The following OR2G3 variants were observed in gnomAD, a reference collection of about 807,000 sequenced individuals.
The protein encoded by OR2G3 is olfactory receptor 2G3.
For missense variants in OR2G3, 375 were observed against 364.4 expected, an observed-to-expected ratio of 1.03 and a Z score of -0.24; for synonymous variants, 154 against 144.5, an observed-to-expected ratio of 1.07 and a Z score of -0.47.
At position 247,606,312 on chromosome 1, in the gene OR2G3, T is replaced by A; in HGVS notation, c.727T>A (p.Ser243Thr). 2.5e-6 allele frequency: 4 copies of A among 1,614,136 alleles called. No individual in the cohort carries two copies. Among genetic ancestry groups the A allele is most frequent in the Non-Finnish European group, 3.4e-6 (4 of 1,180,000 alleles). Residue 243 changes from serine to threonine, a missense_variant, in exon 1 of 1, where the codon TCC becomes ACC. Transcript: ENST00000320002. The part of the protein sequence containing the change: ...ARHKAFSTCS[S>T]HLTVVIIFYG... ...GCACAAAGCCTTCAGCACCTGCTCC[T>A]CCCACCTTACAGTGGTGATTATATT...
chr1:247,606,472 A>T lies in OR2G3; in HGVS notation c.887A>T (p.Asp296Val). 6.2e-7 allele frequency: 1 copy of T among 1,611,438 alleles called. No individual in the cohort carries two copies. The highest frequency in any genetic ancestry group is 8.5e-7 in the Non-Finnish European group (1 of 1,178,940). Residue 296 changes from aspartate (D) to valine (V), a missense_variant, in exon 1 of 1, where the codon GAT becomes GTT. Coordinates refer to ENST00000320002, the MANE Select transcript of OR2G3 (RefSeq NM_001001914.1). Reference sequence around the variant, plus strand: ...ATCATCTATACTTTAAGGAACAAGGATATGAAAGAGGCTCTGAGGAAACTT... The same window carrying T: ...ATCATCTATACTTTAAGGAACAAGGTTATGAAAGAGGCTCTGAGGAAACTT... Reference protein sequence around the residue: ...NPIIYTLRNKDMKEALRKLLS... With the variant: ...NPIIYTLRNKVMKEALRKLLS...
In OR2G3 at chr1:247,606,368, AC is replaced by A. The variant is rs1194656083; in HGVS notation, c.785del (p.Pro262LeufsTer20). ...YGTIIYVYLQ[P>X]SDSYAQDQGK... ...GCACCATAATCTACGTGTACCTGCA[AC>A]CTAGTGACAGCTATGCCCAGGACCA... On this transcript the variant is annotated frameshift_variant, in exon 1 of 1. Transcript: ENST00000320002. LOFTEE classifies it low-confidence loss of function (END_TRUNC). 1 of 1,614,100 alleles carries A rather than the reference AC, an allele frequency of 6.2e-7. No individual in the cohort carries two copies. Among genetic ancestry groups the A allele is most frequent in the South Asian group, 1.1e-5 (1 of 91,080 alleles).
At position 247,605,818 on chromosome 1, in the gene OR2G3, C is replaced by T. The variant is rs202172792; in HGVS notation, c.233C>T (p.Ala78Val). 1.7e-4 allele frequency: 267 copies of T among 1,614,082 alleles called. 1 individual carries two copies. The highest frequency in any genetic ancestry group is 1.6e-3 in the Admixed American group (99 of 60,010). The change falls in exon 1 of 1, where the codon GCT (alanine) becomes GTT (valine). Residue 78 changes from alanine to valine, a missense_variant. Ala to Val is a moderately conservative substitution (Grantham distance 64). Transcript: ENST00000320002. ...GACATCTGCTTCACTACTAGCCTTG[C>T]TCCTCAGACCTTAGTTAACTTGCAA... The part of the protein sequence containing the change: ...LLDICFTTSL[A>V]PQTLVNLQRP...
At position 247,606,072 on chromosome 1, in the gene OR2G3, AC is replaced by A. The variant is rs2103108064; in HGVS notation, c.489del (p.Leu164CysfsTer58). On this transcript the variant is annotated frameshift_variant, in exon 1 of 1. Transcript: ENST00000320002. LOFTEE classifies it low-confidence loss of function (END_TRUNC). ...TAGTTCCCTAATCCATGCAACTTTT[AC>A]CTTGCAATTGCCTCTCTGTGGCAAC... ...LASSLIHATF[T>X]LQLPLCGNHR... 1 of 1,613,676 alleles carries A rather than the reference AC, an allele frequency of 6.2e-7. No homozygotes were observed. The highest frequency in any genetic ancestry group is 8.5e-7 in the Non-Finnish European group (1 of 1,179,932).
In OR2G3 at chr1:247,605,872, G is replaced by T. The variant is rs367892003; in HGVS notation, c.287G>T (p.Gly96Val). The change falls in exon 1 of 1, where the codon GGT (glycine) becomes GTT (valine). Residue 96 changes from glycine (G) to valine (V), a missense_variant. By Grantham distance (109) the Gly-to-Val change is moderately radical. Transcript: ENST00000320002. ...CCAAAGAAGACGATCACTTACGGTGGTTGTGTGGCGCAACTCTATATTTCT... is the reference window on the plus strand; with the variant it reads ...CCAAAGAAGACGATCACTTACGGTGTTTGTGTGGCGCAACTCTATATTTCT... ...QRPKKTITYGGCVAQLYISLA... is the reference protein window; with the variant it reads ...QRPKKTITYGVCVAQLYISLA... 15 of 1,614,162 alleles carry T rather than the reference G, an allele frequency of 9.3e-6. No homozygotes were observed. In the South Asian group the frequency reaches 1.6e-4, roughly 18 times the overall value.
rs183119197 is a variant in OR2G3, at chr1:247,606,391, A to T, written c.806A>T (p.Asp269Val). Residue 269 changes from aspartate (D) to valine (V), a missense_variant, in exon 1 of 1, where the codon GAC becomes GTC. Asp to Val is a radical substitution (Grantham distance 152, BLOSUM62 -3). Coordinates refer to ENST00000320002, the MANE Select transcript of OR2G3 (RefSeq NM_001001914.1). ...YLQPSDSYAQ[D>V]QGKFISLFYT... ...CAACCTAGTGACAGCTATGCCCAGGACCAAGGGAAGTTTATCTCCCTCTTC... is the reference window on the plus strand; with the variant it reads ...CAACCTAGTGACAGCTATGCCCAGGTCCAAGGGAAGTTTATCTCCCTCTTC... The T allele has an allele frequency of 1.9e-6, 3 of 1,614,034 alleles. No homozygotes were observed. Among genetic ancestry groups the T allele is most frequent in the East Asian group, 4.5e-5 (2 of 44,870 alleles).
rs1414436121 is a variant in OR2G3, at chr1:247,606,415, T to C, written c.830T>C (p.Phe277Ser). ...GACCAAGGGAAGTTTATCTCCCTCT[T>C]CTACACCATGGTGACCCCCACTTTA... is the stretch of plus-strand genomic sequence containing the variant. Reference protein sequence around the residue: ...AQDQGKFISLFYTMVTPTLNP... With the variant: ...AQDQGKFISLSYTMVTPTLNP... The change falls in exon 1 of 1, where the codon TTC (phenylalanine) becomes TCC (serine). Residue 277 changes from phenylalanine to serine, a missense_variant. Phe to Ser is a radical substitution (Grantham distance 155). Coordinates refer to ENST00000320002, the MANE Select transcript of OR2G3 (RefSeq NM_001001914.1). The C allele has an allele frequency of 2.5e-6, 4 of 1,613,370 alleles. No individual in the cohort carries two copies. The highest frequency in any genetic ancestry group is 1.7e-5 in the Admixed American group (1 of 60,018).
chr1:247,606,426 G>A lies in OR2G3; in HGVS notation c.841G>A (p.Val281Met). The change falls in exon 1 of 1, where the codon GTG (valine) becomes ATG (methionine). Residue 281 changes from valine (V) to methionine (M), a missense_variant. Val to Met is a conservative substitution (Grantham distance 21). Coordinates refer to ENST00000320002, the MANE Select transcript of OR2G3 (RefSeq NM_001001914.1). ...GTTTATCTCCCTCTTCTACACCATG[G>A]TGACCCCCACTTTAAATCCTATCAT... The part of the protein sequence containing the change: ...GKFISLFYTM[V>M]TPTLNPIIYT... The A allele has an allele frequency of 6.2e-7, 1 of 1,613,612 alleles. No individual in the cohort carries two copies.
rs748358268 is a variant in OR2G3 at position 247,605,591 on chromosome 1, A to T, written c.6A>T (p.Gly2=). The change falls in exon 1 of 1, where the codon GGA becomes GGT. Residue 2 remains glycine, a synonymous_variant. Transcript: ENST00000320002. M[G]LGNESSLMDF... ...GTGCGGATCCCCCTGGAGGGATGGG[A>T]TTGGGCAATGAGAGTTCCCTAATGG... 1.5e-5 allele frequency: 24 copies of T among 1,603,804 alleles called. 1 individual carries two copies. The highest frequency in any genetic ancestry group is 3.3e-4 in the Middle Eastern group (2 of 6,012).
rs546158623 is a variant in OR2G3, at chr1:247,606,087, C to G, written c.502C>G (p.Leu168Val). 3.9e-5 allele frequency: 63 copies of G among 1,614,198 alleles called. No individual in the cohort carries two copies. The African/African-American group carries it at 7.6e-4, about 19-fold the overall frequency. ...IHATFTLQLP[L>V]CGNHRLDHFI... ...TGCAACTTTTACCTTGCAATTGCCTCTCTGTGGCAACCATAGGCTGGACCA... is the reference window on the plus strand; with the variant it reads ...TGCAACTTTTACCTTGCAATTGCCTGTCTGTGGCAACCATAGGCTGGACCA... The change falls in exon 1 of 1, where the codon CTC (leucine) becomes GTC (valine). Residue 168 changes from leucine to valine, a missense_variant. Leu to Val is a conservative substitution (Grantham distance 32, BLOSUM62 1). Transcript: ENST00000320002.
rs766155773 is a variant in OR2G3 at position 247,606,429 on chromosome 1, AC to A, written c.849del (p.Thr284LeufsTer2). On this transcript the variant is annotated frameshift_variant, in exon 1 of 1. Transcript: ENST00000320002. LOFTEE classifies it low-confidence loss of function (END_TRUNC). ...KFISLFYTMV[T>X]PTLNPIIYTL... is the part of the protein sequence containing the mutation. ...TATCTCCCTCTTCTACACCATGGTGACCCCCACTTTAAATCCTATCATCTAT... is the reference window on the plus strand; with the variant it reads ...TATCTCCCTCTTCTACACCATGGTGACCCCACTTTAAATCCTATCATCTAT... 2.4e-5 allele frequency: 39 copies of A among 1,613,388 alleles called. No homozygotes were observed. Among genetic ancestry groups the A allele is most frequent in the Non-Finnish European group, 3.2e-5 (38 of 1,179,630 alleles).
chr1:247,605,757 C>A lies in OR2G3; in HGVS notation c.172C>A (p.Pro58Thr), dbSNP rs767876542. Residue 58 changes from proline (P) to threonine (T), a missense_variant, in exon 1 of 1, where the codon CCA (proline) becomes ACA (threonine). Transcript: ENST00000320002. ...ISYLDPPLHT[P>T]MYFFLSNLSL... Reference sequence around the variant, plus strand: ...ATATCTGGATCCCCCTCTTCATACCCCAATGTACTTTTTTCTCAGCAACCT... The same window carrying A: ...ATATCTGGATCCCCCTCTTCATACCACAATGTACTTTTTTCTCAGCAACCT... 2 of 1,614,070 alleles carry A rather than the reference C, an allele frequency of 1.2e-6. No homozygotes were observed. The highest frequency in any genetic ancestry group is 4.5e-5 in the East Asian group (2 of 44,880).
rs2103108301 is a variant in OR2G3 at position 247,606,318 on chromosome 1, C to T, written c.733C>T (p.Leu245Phe). The T allele has an allele frequency of 6.2e-7, 1 of 1,614,132 alleles. No homozygotes were observed. Among genetic ancestry groups the T allele is most frequent in the South Asian group, 1.1e-5 (1 of 91,078 alleles). Reference protein sequence around the residue: ...HKAFSTCSSHLTVVIIFYGTI... With the variant: ...HKAFSTCSSHFTVVIIFYGTI... ...AGCCTTCAGCACCTGCTCCTCCCAC[C>T]TTACAGTGGTGATTATATTCTATGG... is the stretch of plus-strand genomic sequence containing the variant. The change falls in exon 1 of 1, where the codon CTT (leucine) becomes TTT (phenylalanine). Residue 245 changes from leucine to phenylalanine, a missense_variant. Physicochemically the swap from Leu to Phe is conservative, Grantham distance 22. Transcript: ENST00000320002.
chr1:247,605,849 A>G lies in OR2G3; in HGVS notation c.264A>G (p.Pro88=). 6.2e-7 allele frequency: 1 copy of G among 1,614,184 alleles called. No homozygotes were observed. The highest frequency in any genetic ancestry group is 1.1e-5 in the South Asian group (1 of 91,080). The change falls in exon 1 of 1, where the codon CCA becomes CCG. Residue 88 remains proline (P), a synonymous_variant. Coordinates refer to ENST00000320002, the MANE Select transcript of OR2G3 (RefSeq NM_001001914.1). ...AGACCTTAGTTAACTTGCAAAGACC[A>G]AAGAAGACGATCACTTACGGTGGTT... ...APQTLVNLQR[P]KKTITYGGCV...
In OR2G3 at chr1:247,605,735, T is replaced by C. The variant is rs1669378634; in HGVS notation, c.150T>C (p.Tyr50=). 5 of 1,614,114 alleles carry C rather than the reference T, an allele frequency of 3.1e-6. No individual in the cohort carries two copies. The highest frequency in any genetic ancestry group is 3.3e-4 in the Middle Eastern group (2 of 6,062). ...VGNFTIIIIS[Y]LDPPLHTPMY... is the part of the protein sequence containing the mutation. ...ACTTCACCATAATCATCATCTCATA[T>C]CTGGATCCCCCTCTTCATACCCCAA... is the stretch of plus-strand genomic sequence containing the variant. Residue 50 remains tyrosine (Y), a synonymous_variant, in exon 1 of 1, where the codon TAT becomes TAC. Transcript: ENST00000320002.
rs1669383956 is a variant in OR2G3 at position 247,605,972 on chromosome 1, C to G, written c.387C>G (p.Pro129=). The change falls in exon 1 of 1, where the codon CCC becomes CCG. Residue 129 remains proline (P), a synonymous_variant. Coordinates refer to ENST00000320002, the MANE Select transcript of OR2G3 (RefSeq NM_001001914.1). ...ATCGGTACATTGCTGTCTGCAAACC[C>G]CTCCACTATGTAGTCATCATGAACC... ...ALDRYIAVCK[P]LHYVVIMNPR... is the part of the protein sequence containing the mutation. 1.2e-6 allele frequency: 2 copies of G among 1,614,170 alleles called. No individual in the cohort carries two copies. The highest frequency in any genetic ancestry group is 4.5e-5 in the East Asian group (2 of 44,872).
At position 247,606,070 on chromosome 1, in the gene OR2G3, T is replaced by C. The variant is rs748241208; in HGVS notation, c.485T>C (p.Phe162Ser). 6 of 1,614,068 alleles carry C rather than the reference T, an allele frequency of 3.7e-6. No homozygotes were observed. The East Asian group carries it at 1.3e-4, about 36-fold the overall frequency. ...GLASSLIHAT[F>S]TLQLPLCGNH... Reference sequence around the variant, plus strand: ...GCTAGTTCCCTAATCCATGCAACTTTTACCTTGCAATTGCCTCTCTGTGGC... The same window carrying C: ...GCTAGTTCCCTAATCCATGCAACTTCTACCTTGCAATTGCCTCTCTGTGGC... The change falls in exon 1 of 1, where the codon TTT becomes TCT. Residue 162 changes from phenylalanine (F) to serine (S), a missense_variant. Physicochemically the swap from Phe to Ser is radical, Grantham distance 155. Coordinates refer to ENST00000320002, the MANE Select transcript of OR2G3 (RefSeq NM_001001914.1).
At position 247,606,076 on chromosome 1, in the gene OR2G3, T is replaced by C. The variant is rs6658792; in HGVS notation, c.491T>C (p.Leu164Ser). ...ASSLIHATFT[L>S]QLPLCGNHRL... ...TCCCTAATCCATGCAACTTTTACCT[T>C]GCAATTGCCTCTCTGTGGCAACCAT... The change falls in exon 1 of 1, where the codon TTG becomes TCG. Residue 164 changes from leucine to serine, a missense_variant. Leu to Ser is a moderately radical substitution (Grantham distance 145). Transcript: ENST00000320002. The C allele has an allele frequency of 4.2e-4, 681 of 1,614,194 alleles. 3 individuals are homozygous for C. The African/African-American group carries it at 7.4e-3, about 17-fold the overall frequency.
At position 247,606,309 on chromosome 1, in the gene OR2G3, T is replaced by C. The variant is rs1669392299; in HGVS notation, c.724T>C (p.Ser242Pro). Residue 242 changes from serine (S) to proline (P), a missense_variant, in exon 1 of 1, where the codon TCC (serine) becomes CCC (proline). Coordinates refer to ENST00000320002, the MANE Select transcript of OR2G3 (RefSeq NM_001001914.1). ...EARHKAFSTC[S>P]SHLTVVIIFY... ...AAGGCACAAAGCCTTCAGCACCTGCTCCTCCCACCTTACAGTGGTGATTAT... is the reference window on the plus strand; with the variant it reads ...AAGGCACAAAGCCTTCAGCACCTGCCCCTCCCACCTTACAGTGGTGATTAT... 6.2e-7 allele frequency: 1 copy of C among 1,614,020 alleles called. No homozygotes were observed. The highest frequency in any genetic ancestry group is 1.7e-5 in the Admixed American group (1 of 59,984).
Sources: allele counts gnomAD v4.1 joint callset, GRCh38; gene constraint gnomAD v4.1.1; transcripts MANE v1.5; gene names NCBI Gene and HGNC (gene_info 2026-07-23, HGNC 2026-07-21).